AHCTF1: variants seen among roughly 807,000 people sequenced by gnomAD.
AHCTF1 encodes the protein protein ELYS.
A neutral mutation model predicts 248.4 loss-of-function variants in AHCTF1; 24 were observed. The observed-to-expected ratio is 0.10, with a 90% CI of 0.07 to 0.14. The LOEUF (loss-of-function observed/expected upper bound fraction) is 0.14. Among genes scored for constraint, AHCTF1 ranks in the 10% least tolerant of loss-of-function variants. The pLI, the probability that AHCTF1 is intolerant of heterozygous loss-of-function variation, is 1.00. For synonymous variants in AHCTF1, 786 were observed against 929.8 expected (o/e 0.85, Z 2.81); for missense variants, 2,206 against 2,636.2 (o/e 0.84, Z 3.57).
chr1:246,839,415 C>T lies in AHCTF1; in HGVS notation c.*1391G>A. On this transcript the variant is annotated 3_prime_UTR_variant, in exon 36 of 36. Transcript: ENST00000648844. ...TTTAACAAGTTCATTTAAATAAGTTCAATATTCCATAAATGACAAGCAGCT... is the reference window on the plus strand; with the variant it reads ...TTTAACAAGTTCATTTAAATAAGTTTAATATTCCATAAATGACAAGCAGCT... 1 of 359,922 alleles carries T rather than the reference C, an allele frequency of 2.8e-6. No individual in the cohort carries two copies. The allele number at this position is 359,922 out of a possible 1,614,324, so 22.3% of individuals were successfully genotyped here.
intron 24 of AHCTF1, among the ~76,000 whole-genome samples, chr1:246,873,041 T>C (rs1330566850): frequency 1.3e-5 from 2 of 152,236 alleles, no homozygotes; most frequent in African/African-American, 4.8e-5. Context: ...CTAAAAGCCA[T>C]CATTCCTGAG....
intron 26 of AHCTF1, among the ~76,000 whole-genome samples, chr1:246,865,922 T>C (rs1211932667): frequency 2.0e-5 from 3 of 152,170 alleles, no homozygotes; most frequent in African/African-American, 2.4e-5. Context: ...ATTTAAAAAA[T>C]TGATTTATGT....
At chr1:246,921,923 A>T (rs562647414) in intron 1 of AHCTF1, among the ~76,000 whole-genome samples, 3 of 152,250 alleles carry the variant, frequency 2.0e-5, no homozygotes, top group Non-Finnish European at 4.4e-5. Context: ...ACTGGTATAT[A>T]CACAGAAAAA....
intron 12 of AHCTF1, among the ~76,000 whole-genome samples, chr1:246,896,582 G>A (rs1302796483): frequency 6.6e-6 from 1 of 152,168 alleles, no homozygotes; most frequent in Non-Finnish European, 1.5e-5. Flanking sequence ...AAGGGAAAAG[G>A]AGTGACTGTT....
chr1:246,926,742 C>T (rs758605367), intron 1 of AHCTF1, among the ~76,000 whole-genome samples: 9 of 152,030 alleles, frequency 5.9e-5, no homozygotes, highest in Non-Finnish European at 1.2e-4. Flanking sequence ...ATAATCCCAG[C>T]TACTTTGGGA....
chr1:246,863,881 G>T, intron 27 of AHCTF1, 43 bp downstream of exon 27: 1 of 1,576,562 alleles, frequency 6.3e-7, no homozygotes, highest in Non-Finnish European at 8.7e-7. Context: ...AAAAGTAAGA[G>T]CCATCTAGTT....
intron 1 of AHCTF1, among the ~76,000 whole-genome samples, chr1:246,927,460 G>C (rs147918616): frequency 9.2e-4 from 140 of 152,302 alleles, no homozygotes; most frequent in Non-Finnish European, 1.1e-3. Flanking sequence ...CTACACTCCA[G>C]CCTCAGCAAC....
intron 9 of AHCTF1, 24 bp from the exon 10 acceptor site, chr1:246,900,270 C>A: frequency 1.9e-6 from 3 of 1,585,636 alleles, no homozygotes; most frequent in Non-Finnish European, 2.6e-6. Context: ...TAAAACATTA[C>A]TAAGTCATTG....
intron 24 of AHCTF1, among the ~76,000 whole-genome samples, chr1:246,875,707 C>T (rs1020424314): frequency 2.0e-5 from 3 of 152,288 alleles, no homozygotes; most frequent in Admixed American, 1.3e-4. Flanking sequence ...AAAAGGATTA[C>T]GACTCACAGA....
intron 1 of AHCTF1, chr1:246,931,337 C>A (rs1378024913): frequency 1.3e-6 from 2 of 1,544,796 alleles, no homozygotes; most frequent in Non-Finnish European, 1.7e-6. Flanking sequence ...TGTGCCGCCG[C>A]TCCTCCGGTC....
rs368654840 is a variant in AHCTF1 at position 246,868,916 on chromosome 1, C to T, written c.3089-1105G>A. ...TTGGAGTGCAGTGGTGTGATCTCGGCTCACTGCAAGTTCTGCCTCCCGGGT... is the reference window on the plus strand; with the variant it reads ...TTGGAGTGCAGTGGTGTGATCTCGGTTCACTGCAAGTTCTGCCTCCCGGGT... On this transcript the variant is annotated intron_variant, in intron 24 of 35. Transcript: ENST00000648844. 1.2e-3 allele frequency among the ~76,000 whole-genome samples: 171 copies of T among 146,978 alleles called. 2 individuals carry two copies. The highest frequency in any genetic ancestry group is 3.9e-3 in the African/African-American group (152 of 39,122).
At chr1:246,894,573 G>T in intron 14 of AHCTF1, 86 bp downstream of exon 14, 1 of 1,094,104 alleles carries the variant, frequency 9.1e-7, no homozygotes, top group South Asian at 1.5e-5. Context: ...ACTTCAAAAT[G>T]ATTAAAAATT....
intron 1 of AHCTF1, among the ~76,000 whole-genome samples, chr1:246,926,290 T>A (rs1328317672): frequency 6.6e-6 from 1 of 152,198 alleles, no homozygotes; most frequent in Non-Finnish European, 1.5e-5. Flanking sequence ...AACGTATTTC[T>A]AATTCAAACT....
intron 24 of AHCTF1, among the ~76,000 whole-genome samples, chr1:246,875,111 C>T (rs561050067): frequency 2.0e-5 from 3 of 152,320 alleles, no homozygotes; most frequent in Non-Finnish European, 4.4e-5. Flanking sequence ...GGAGGTGCTA[C>T]GACTTCCTTA....
intron 5 of AHCTF1, among the ~76,000 whole-genome samples, chr1:246,906,190 G>C (rs1665376410): frequency 1.3e-5 from 2 of 152,154 alleles, no homozygotes; most frequent in Non-Finnish European, 2.9e-5. Context: ...TGCTAAAAAA[G>C]CAAAAATTGA....
chr1:246,864,018 C>G lies in AHCTF1; in HGVS notation c.3446G>C (p.Arg1149Pro), dbSNP rs774142521. The G allele has an allele frequency of 5.0e-6, 8 of 1,613,988 alleles. No individual in the cohort carries two copies. Among genetic ancestry groups the G allele is most frequent in the Non-Finnish European group, 6.8e-6 (8 of 1,179,974 alleles). Reference sequence around the variant, plus strand: ...TAATTGCGAACTTGAGGGCAGTGAACGGGATACTAGGTACAAAGGAGATTT... The same window carrying G: ...TAATTGCGAACTTGAGGGCAGTGAAGGGGATACTAGGTACAAAGGAGATTT... ...SMKSPLYLVS[R>P]SLPSSSQLKG... The change falls in exon 27 of 36, where the codon CGT becomes CCT. Residue 1149 changes from arginine (R) to proline (P), a missense_variant. Arg to Pro is a moderately radical substitution (Grantham distance 103). Transcript: ENST00000648844.
intron 21 of AHCTF1, among the ~76,000 whole-genome samples, chr1:246,879,067 A>G (rs1261801594): frequency 6.6e-6 from 1 of 152,322 alleles, no homozygotes; most frequent in South Asian, 2.1e-4. Flanking sequence ...TTTCATTATT[A>G]AATCTCACAA....
intron 11 of AHCTF1, 21 bp from the exon 12 acceptor site, chr1:246,898,357 A>T (rs1473620790): frequency 6.2e-7 from 1 of 1,602,616 alleles, no homozygotes; most frequent in Non-Finnish European, 8.5e-7. Context: ...TAAATTAGTA[A>T]GGCATCAATC....
intron 4 of AHCTF1, among the ~76,000 whole-genome samples, chr1:246,909,500 T>C (rs1178447688): frequency 6.6e-6 from 1 of 151,218 alleles, no homozygotes; most frequent in East Asian, 2.0e-4. Context: ...GTCCAGTGTA[T>C]CCACACTGTA....
Sources: allele counts gnomAD v4.1 joint callset (sites outside exome capture counted in the v4.1 genomes callset), GRCh38; gene constraint gnomAD v4.1.1; transcripts MANE v1.5; gene names NCBI Gene and HGNC (gene_info 2026-07-23, HGNC 2026-07-21).